LRRIQ1: variants seen among roughly 807,000 people sequenced by gnomAD.
LRRIQ1 encodes leucine-rich repeat- and IQ domain-containing protein 1.
A neutral mutation model predicts 211.9 loss-of-function variants in LRRIQ1; 210 were observed. The ratio of observed to expected loss-of-function variants is 0.99; its 90% CI spans 0.89 to 1.11. The LOEUF (loss-of-function observed/expected upper bound fraction) is 1.11, where lower values mean the gene tolerates loss of function less well. Among genes scored for constraint, LRRIQ1 ranks in the 50% most tolerant of loss-of-function variants. The pLI is 0.00. For synonymous variants in LRRIQ1, 699 were observed against 650.1 expected, an observed-to-expected ratio of 1.08 and a Z score of -1.14; for missense variants, 2,136 against 1,939.5, an observed-to-expected ratio of 1.10 and a Z score of -1.90.
At position 85,057,181 on chromosome 12, in the gene LRRIQ1, G is replaced by T; in HGVS notation, c.2388G>T (p.Gln796His). ...ILRCGPWDTL[Q>H]QVTTVTFQDL... ...GATGTGGCCCTTGGGATACTTTACA[G>T]CAGGTATTTCTAATTTTATAATAAT... Residue 796 changes from glutamine to histidine, a missense_variant, in exon 8 of 27, where the codon CAG becomes CAT. Coordinates refer to ENST00000393217, the MANE Select transcript of LRRIQ1 (RefSeq NM_001079910.2). 3 of 1,419,446 alleles carry T rather than the reference G, an allele frequency of 2.1e-6. No individual in the cohort carries two copies. Among genetic ancestry groups the T allele is most frequent in the African/African-American group, 1.5e-5 (1 of 68,020 alleles). 87.9% of individuals were successfully genotyped at this position (1,419,446 alleles called of 1,614,324 possible).
intron 24 of LRRIQ1, among the ~76,000 whole-genome samples, chr12:85,207,593 C>G (rs933321087): frequency 6.6e-6 from 1 of 152,158 alleles, no homozygotes; most frequent in Admixed American, 6.5e-5. Context: ...AAAAAGTTAT[C>G]ACCAAACCCA....
At chr12:85,147,347 G>C (rs994188123) in intron 19 of LRRIQ1, among the ~76,000 whole-genome samples, 4 of 151,648 alleles carry the variant, frequency 2.6e-5, no homozygotes, top group African/African-American at 9.7e-5. Context: ...ATAAAAAGTA[G>C]GTCTACCTTA....
intron 8 of LRRIQ1, among the ~76,000 whole-genome samples, chr12:85,064,966 A>T (rs1882273033): frequency 6.6e-6 from 1 of 151,652 alleles, no homozygotes; most frequent in African/African-American, 2.4e-5. Context: ...CCACTTTAAA[A>T]ATCAAAAATT....
rs181332648 is a variant in LRRIQ1, at chr12:85,044,745, A to C, written c.272A>C (p.Asn91Thr). 1.7e-5 allele frequency: 27 copies of C among 1,566,800 alleles called. 1 individual carries two copies. The Middle Eastern group carries it at 5.0e-4, about 29-fold the overall frequency. Residue 91 changes from asparagine to threonine, a missense_variant, in exon 4 of 27, where the codon AAT (asparagine) becomes ACT (threonine). Asn to Thr is a moderately conservative substitution (Grantham distance 65). Transcript: ENST00000393217. ...LSCSYGAVSN[N>T]HMHLRTGLST... The stretch of plus-strand genomic sequence containing the variant: ...TGTAGTTATGGAGCAGTTTCTAATA[A>C]TCATATGCATTTAAGAACAGGACTA...
intron 1 of LRRIQ1, among the ~76,000 whole-genome samples, chr12:85,261,738 G>A (rs1434286977): frequency 6.6e-6 from 1 of 150,692 alleles, no homozygotes; most frequent in Non-Finnish European, 1.5e-5. Context: ...TTAAAGCAGA[G>A]GATCATAATT....
chr12:85,240,783 C>T lies in LRRIQ1; in HGVS notation c.5017-4006C>T, dbSNP rs116823292. Among the ~76,000 whole-genome samples, 880 of 152,048 alleles carry T rather than the reference C, an allele frequency of 5.8e-3. 10 individuals carry two copies. The highest frequency in any genetic ancestry group is 0.02 in the African/African-American group (842 of 41,486). On this transcript the variant is annotated intron_variant, in intron 26 of 26. Coordinates refer to ENST00000393217, the MANE Select transcript of LRRIQ1 (RefSeq NM_001079910.2). ...CAAAAGATTACATGCTGTATTATTTCATTAATATAAGATCCTTAAGCATCA... is the reference window on the plus strand; with the variant it reads ...CAAAAGATTACATGCTGTATTATTTTATTAATATAAGATCCTTAAGCATCA...
At chr12:85,153,365 C>T (rs946158646) in intron 21 of LRRIQ1, among the ~76,000 whole-genome samples, 8 of 151,314 alleles carry the variant, frequency 5.3e-5, no homozygotes, top group Non-Finnish European at 1.2e-4. Context: ...GTCAGGGAAA[C>T]AATGTAATTA....
intron 26 of LRRIQ1, among the ~76,000 whole-genome samples, chr12:85,243,638 GTACATGA>G (rs1895574636): frequency 6.6e-6 from 1 of 151,046 alleles, no homozygotes; most frequent in Admixed American, 6.7e-5. Flanking sequence ...ACATTGTGTT[GTACATGA>G]TACATGTATA....
intron 15 of LRRIQ1, among the ~76,000 whole-genome samples, chr12:85,114,902 A>G (rs1472914932): frequency 2.6e-5 from 4 of 152,212 alleles, no homozygotes; most frequent in Non-Finnish European, 5.9e-5. Context: ...GTGTATTCCA[A>G]TGAACTTTAC....
intron 23 of LRRIQ1, among the ~76,000 whole-genome samples, chr12:85,155,166 A>G (rs1301988480): frequency 6.6e-6 from 1 of 151,458 alleles, no homozygotes; most frequent in East Asian, 1.9e-4. Flanking sequence ...TGCATACCTT[A>G]TTGTTATGTT....
chr12:85,197,747 G>A (rs1377216667), intron 24 of LRRIQ1, among the ~76,000 whole-genome samples: 1 of 150,472 alleles, frequency 6.6e-6, no homozygotes, highest in African/African-American at 2.5e-5. Context: ...GTTAGTGGGT[G>A]CAACGCACCA....
At chr12:85,111,677 G>T (rs1887184758) in intron 15 of LRRIQ1, among the ~76,000 whole-genome samples, 1 of 152,072 alleles carries the variant, frequency 6.6e-6, no homozygotes, top group Non-Finnish European at 1.5e-5. Context: ...TAGATTACAT[G>T]TTTAGTTCTG....
At chr12:85,080,579 T>A (rs1592754776) in intron 11 of LRRIQ1, among the ~76,000 whole-genome samples, 1 of 151,702 alleles carries the variant, frequency 6.6e-6, no homozygotes, top group African/African-American at 2.4e-5. Context: ...TACAGTTTCC[T>A]AGTCCTTCAA....
At chr12:85,212,707 G>A (rs1361652194) in intron 24 of LRRIQ1, among the ~76,000 whole-genome samples, 1 of 149,060 alleles carries the variant, frequency 6.7e-6, no homozygotes, top group Non-Finnish European at 1.5e-5. Context: ...GTATGTATAT[G>A]TATATATATG....
At chr12:85,098,083 G>A (rs1886047144) in intron 11 of LRRIQ1, among the ~76,000 whole-genome samples, 1 of 152,042 alleles carries the variant, frequency 6.6e-6, no homozygotes, top group Admixed American at 6.6e-5. Context: ...TGAATATAAA[G>A]CATTCATTCC....
chr12:85,145,091 T>G (rs1889798468), intron 19 of LRRIQ1, among the ~76,000 whole-genome samples: 1 of 151,610 alleles, frequency 6.6e-6, no homozygotes. Context: ...CATATCCTTA[T>G]GTAATTATAT....
chr12:85,163,266 C>T (rs1207810133), intron 24 of LRRIQ1, among the ~76,000 whole-genome samples: 1 of 152,030 alleles, frequency 6.6e-6, no homozygotes, highest in Non-Finnish European at 1.5e-5. Context: ...TAACCATCAC[C>T]AAATCTAGTT....
In LRRIQ1 at chr12:85,060,810, A is replaced by C. The variant is rs1363218882; in HGVS notation, c.2391+3626A>C. Reference sequence around the variant, plus strand: ...TTTGTAATTACGTTTACCATAGATGACTGACACTTCTTAGGTTGAACTCAA... The same window carrying C: ...TTTGTAATTACGTTTACCATAGATGCCTGACACTTCTTAGGTTGAACTCAA... On this transcript the variant is annotated intron_variant, in intron 8 of 26. Coordinates refer to ENST00000393217, the MANE Select transcript of LRRIQ1 (RefSeq NM_001079910.2). 5.3e-5 allele frequency among the ~76,000 whole-genome samples: 8 copies of C among 151,940 alleles called. No homozygotes were observed. In the South Asian group the frequency reaches 1.0e-3, roughly 20 times the overall value.
At chr12:85,257,757 CCACT>C (rs1896161980) in intron 1 of LRRIQ1, among the ~76,000 whole-genome samples, 1 of 151,720 alleles carries the variant, frequency 6.6e-6, no homozygotes, top group Admixed American at 6.6e-5. Flanking sequence ...TAACTAGAAA[CCACT>C]CACTCAAAGA....
Sources: allele counts gnomAD v4.1 joint callset (sites outside exome capture counted in the v4.1 genomes callset), GRCh38; gene constraint gnomAD v4.1.1; transcripts MANE v1.5; gene names NCBI Gene and HGNC (gene_info 2026-07-23, HGNC 2026-07-21).